Variants in PIGB observed in about 807,000 individuals in gnomAD.
PIGB encodes GPI alpha-1,2-mannosyltransferase 3.
In PIGB, 58 loss-of-function variants were observed where a neutral mutation model predicts 68.4. That is an observed-to-expected ratio of 0.85 (90% CI 0.69 to 1.06). PIGB has a LOEUF of 1.06. Ranked by LOEUF, PIGB falls within the 50% of genes least tolerant of loss-of-function variation. PIGB has a pLI of 0.00. For missense variants in PIGB, 634 were observed against 655.8 expected (o/e 0.97, Z 0.36); for synonymous variants, 219 against 220.5 (o/e 0.99, Z 0.06).
chr15:55,343,887 T>A (rs2290341), intron 9 of PIGB, among the ~76,000 whole-genome samples: 32,940 of 152,106 alleles, frequency 0.22, 4,099 homozygotes, highest in East Asian at 0.54. Flanking sequence ...GGCTGTTTAA[T>A]GCCAAGAGGT....
chr15:55,335,517 A>G (rs530423020), intron 6 of PIGB, among the ~76,000 whole-genome samples: 2 of 152,344 alleles, frequency 1.3e-5, no homozygotes, highest in South Asian at 4.1e-4. Flanking sequence ...AGAGACAGAC[A>G]GCTAAAAAGA....
rs2055610454 is a variant in PIGB, at chr15:55,339,319, G to GT, written c.846+2dup. 6.5e-7 allele frequency: 1 copy of GT among 1,536,686 alleles called. No homozygotes were observed. Among genetic ancestry groups the GT allele is most frequent in the Non-Finnish European group, 8.8e-7 (1 of 1,133,066 alleles). ...GATTGATCGTATTTTTTTTGGCCAAGTAAGTAAAAGTATATTAAGCTAACA... is the reference window on the plus strand; with the variant it reads ...GATTGATCGTATTTTTTTTGGCCAAGTTAAGTAAAAGTATATTAAGCTAACA... On this transcript the variant is annotated splice_donor_variant, in intron 7 of 11. Coordinates refer to ENST00000164305, the MANE Select transcript of PIGB (RefSeq NM_004855.5). LOFTEE classifies it high-confidence loss of function.
At chr15:55,329,235 T>G (rs886979015) in intron 4 of PIGB, among the ~76,000 whole-genome samples, 1 of 152,198 alleles carries the variant, frequency 6.6e-6, no homozygotes, top group East Asian at 1.9e-4. Context: ...TCCTCTTTCC[T>G]CTTTTGTCTT....
intron 3 of PIGB, 54 bp downstream of exon 3, chr15:55,321,444 A>C: frequency 6.8e-7 from 1 of 1,473,356 alleles, no homozygotes; most frequent in Non-Finnish European, 9.2e-7. Context: ...ATTTGTTTTT[A>C]AAAGGCTACT....
intron 9 of PIGB, among the ~76,000 whole-genome samples, chr15:55,345,765 A>G (rs1439631416): frequency 6.6e-6 from 1 of 152,154 alleles, no homozygotes; most frequent in East Asian, 1.9e-4. Flanking sequence ...GTCTAAAAAA[A>G]AAAAATTCTT....
rs186394219 is a variant in PIGB, at chr15:55,354,131, G to A, written c.1338-667G>A. On this transcript the variant is annotated intron_variant, in intron 10 of 11. Coordinates refer to ENST00000164305, the MANE Select transcript of PIGB (RefSeq NM_004855.5). Reference sequence around the variant, plus strand: ...GTTCAGGACCAGCCTGGCCAACATGGTGAAACCCCATCTCTACTAAAAAAA... The same window carrying A: ...GTTCAGGACCAGCCTGGCCAACATGATGAAACCCCATCTCTACTAAAAAAA... Among the ~76,000 whole-genome samples, 554 of 151,784 alleles carry A rather than the reference G, an allele frequency of 3.6e-3. 6 individuals are homozygous for A. Among genetic ancestry groups the A allele is most frequent in the Middle Eastern group, 6.9e-3 (2 of 290 alleles).
intron 5 of PIGB, among the ~76,000 whole-genome samples, chr15:55,332,930 T>C (rs2055451571): frequency 6.6e-6 from 1 of 152,212 alleles, no homozygotes; most frequent in Non-Finnish European, 1.5e-5. Context: ...GTTGTATGCA[T>C]ATATATTTCA....
At chr15:55,326,418 C>T (rs1262946459) in intron 3 of PIGB, among the ~76,000 whole-genome samples, 1 of 152,110 alleles carries the variant, frequency 6.6e-6, no homozygotes, top group Non-Finnish European at 1.5e-5. Flanking sequence ...CTCTGTGCCT[C>T]AGTTTCCTCA....
chr15:55,338,835 A>T (rs2055596617), intron 6 of PIGB, among the ~76,000 whole-genome samples: 1 of 152,130 alleles, frequency 6.6e-6, no homozygotes, highest in Non-Finnish European at 1.5e-5. Flanking sequence ...TTGGAAGCTG[A>T]TCTCTCCACC....
At position 55,327,562 on chromosome 15, in the gene PIGB, T is replaced by C; in HGVS notation, c.449T>C (p.Leu150Pro). 6.2e-7 allele frequency: 1 copy of C among 1,611,854 alleles called. No homozygotes were observed. Among genetic ancestry groups the C allele is most frequent in the South Asian group, 1.1e-5 (1 of 90,548 alleles). The change falls in exon 4 of 12, where the codon CTG (leucine) becomes CCG (proline). Residue 150 changes from leucine to proline, a missense_variant. Transcript: ENST00000164305. ...ATTCCTAGACTTGCCCAAGCACTTC[T>C]GTCTGCTGTAGCAGATGTGAGACTT... ...IWIPRLAQALLSAVADVRLYS... is the reference protein window; with the variant it reads ...IWIPRLAQALPSAVADVRLYS...
intron 4 of PIGB, among the ~76,000 whole-genome samples, chr15:55,328,905 G>A (rs532774584): frequency 3.2e-4 from 48 of 152,268 alleles, no homozygotes; most frequent in East Asian, 2.1e-3. Context: ...GGCAGAGATT[G>A]TGCCACTGCA....
At chr15:55,333,588 C>T (rs144180394) in intron 5 of PIGB, among the ~76,000 whole-genome samples, 16 of 152,158 alleles carry the variant, frequency 1.1e-4, no homozygotes, top group Admixed American at 3.9e-4. Flanking sequence ...AAAAATTAGT[C>T]GGGCATGGTG....
intron 3 of PIGB, 125 bp from the exon 4 acceptor site, chr15:55,327,406 T>C: frequency 1.6e-6 from 1 of 610,534 alleles, no homozygotes; most frequent in South Asian, 2.1e-5. Flanking sequence ...GAAAAATATA[T>C]TGCCTATTTT....
intron 5 of PIGB, 27 bp downstream of exon 5, chr15:55,329,881 T>C: frequency 6.7e-7 from 1 of 1,491,706 alleles, no homozygotes. Flanking sequence ...TTAATAATTA[T>C]GTTCAAAATT....
At chr15:55,342,978 C>T (rs1324721801) in intron 9 of PIGB, among the ~76,000 whole-genome samples, 1 of 151,816 alleles carries the variant, frequency 6.6e-6, no homozygotes, top group Non-Finnish European at 1.5e-5. Context: ...CCAACTGGAA[C>T]TGGAGGCTGG....
chr15:55,355,159 T>C lies in PIGB; in HGVS notation c.1519-127T>C, dbSNP rs973581925. 4 of 902,840 alleles carry C rather than the reference T, an allele frequency of 4.4e-6. No individual in the cohort carries two copies. The Admixed American group carries it at 1.2e-4, about 26-fold the overall frequency. The allele number at this position is 902,840 out of a possible 1,614,324, so 55.9% of individuals were successfully genotyped here. A position where few individuals can be genotyped will look rare whatever the true frequency, so the allele number is the denominator to read the frequency against. ...GTAACTATCAAAGTATTTTACTTCC[T>C]ATAAGTTAATTCTTTTATTAAGCAA... is the stretch of plus-strand genomic sequence containing the variant. On this transcript the variant is annotated intron_variant, in intron 11 of 11. Transcript: ENST00000164305.
At position 55,339,330 on chromosome 15, in the gene PIGB, T is replaced by C. The variant is rs1186521541; in HGVS notation, c.846+12T>C. The stretch of plus-strand genomic sequence containing the variant: ...TTTTTTTTGGCCAAGTAAGTAAAAG[T>C]ATATTAAGCTAACAGCTATTTTTAT... On this transcript the variant is annotated intron_variant, in intron 7 of 11. Transcript: ENST00000164305. The C allele has an allele frequency of 8.1e-6, 12 of 1,490,430 alleles. No homozygotes were observed. In the East Asian group the frequency reaches 1.9e-4, roughly 24 times the overall value. 92.3% of individuals were successfully genotyped at this position (1,490,430 alleles called of 1,614,324 possible).
chr15:55,353,909 C>G (rs747707525), intron 10 of PIGB, among the ~76,000 whole-genome samples: 13 of 151,698 alleles, frequency 8.6e-5, no homozygotes, highest in Non-Finnish European at 1.6e-4. Flanking sequence ...CCGGCCTACT[C>G]TAGTCTTTCT....
At position 55,339,329 on chromosome 15, in the gene PIGB, G is replaced by A. The variant is rs563792715; in HGVS notation, c.846+11G>A. The A allele has an allele frequency of 5.7e-5, 86 of 1,509,538 alleles. No homozygotes were observed. Among genetic ancestry groups the A allele is most frequent in the African/African-American group, 4.6e-4 (33 of 72,408 alleles). The allele number at this position is 1,509,538 out of a possible 1,614,324, so 93.5% of individuals were successfully genotyped here. A position where few individuals can be genotyped will look rare whatever the true frequency, so the allele number is the denominator to read the frequency against. The stretch of plus-strand genomic sequence containing the variant: ...ATTTTTTTTGGCCAAGTAAGTAAAA[G>A]TATATTAAGCTAACAGCTATTTTTA... On this transcript the variant is annotated intron_variant, in intron 7 of 11. Transcript: ENST00000164305.
Sources: gnomAD v4.1 joint callset for allele counts (sites outside exome capture counted in the v4.1 genomes callset) on GRCh38, gnomAD v4.1.1 for gene constraint, MANE v1.5 for transcripts, NCBI Gene and HGNC (gene_info 2026-07-23, HGNC 2026-07-21) for gene names.